KCNB2: variants seen among roughly 807,000 people sequenced by gnomAD.
The protein encoded by KCNB2 is potassium voltage-gated channel subfamily B member 2, also known as delayed rectifier potassium channel protein.
Under a neutral mutation model 61.5 loss-of-function variants are expected in KCNB2, and 15 were observed. The ratio of observed to expected loss-of-function variants is 0.24; its 90% CI spans 0.16 to 0.38. The LOEUF is 0.38. KCNB2 is among the 10% of genes least tolerant of loss of function. The pLI, the probability that KCNB2 is intolerant of heterozygous loss-of-function variation, is 1.00. For missense variants in KCNB2, 828 were observed against 1,125.2 expected, an observed-to-expected ratio of 0.74 and a Z score of 3.78; for synonymous variants, 457 against 446.0, an observed-to-expected ratio of 1.02 and a Z score of -0.31.
At chr8:72,853,558 C>G (rs1282365952) in intron 2 of KCNB2, among the ~76,000 whole-genome samples, 1 of 152,204 alleles carries the variant, frequency 6.6e-6, no homozygotes, top group Non-Finnish European at 1.5e-5. Flanking sequence ...AACCTAATGT[C>G]TAGGCCTCAA....
intron 2 of KCNB2, among the ~76,000 whole-genome samples, chr8:72,759,055 C>G (rs1342521823): frequency 6.6e-6 from 1 of 152,060 alleles, no homozygotes; most frequent in African/African-American, 2.4e-5. Context: ...TGAACTTAGT[C>G]TGAACTAATG....
chr8:72,807,623 T>G (rs2129000233), intron 2 of KCNB2, among the ~76,000 whole-genome samples: 1 of 152,270 alleles, frequency 6.6e-6, no homozygotes. Context: ...ACAGACAGAT[T>G]TGTGTTTGAC....
intron 2 of KCNB2, among the ~76,000 whole-genome samples, chr8:72,906,439 A>G (rs1383386095): frequency 2.0e-5 from 3 of 152,210 alleles, no homozygotes; most frequent in African/African-American, 7.2e-5. Context: ...TATAATTTTG[A>G]AAAAAGTATT....
intron 2 of KCNB2, chr8:72,732,097 A>G (rs1375624287): frequency 2.0e-5 from 3 of 152,240 alleles, no homozygotes; most frequent in East Asian, 1.9e-4. Context: ...AGTGGATTCT[A>G]TCTGGTACAG....
At chr8:72,839,984 A>C (rs1809853911) in intron 2 of KCNB2, among the ~76,000 whole-genome samples, 1 of 151,548 alleles carries the variant, frequency 6.6e-6, no homozygotes, top group South Asian at 2.1e-4. Flanking sequence ...ATAGTTATAC[A>C]CTTGCCATGG....
rs758769452 is a variant in KCNB2 at position 72,567,693 on chromosome 8, A to AT, written c.-36dup. 4 of 1,415,804 alleles carry AT rather than the reference A, an allele frequency of 2.8e-6. No individual in the cohort carries two copies. The highest frequency in any genetic ancestry group is 4.7e-5 in the Admixed American group (2 of 42,976). The allele number at this position is 1,415,804 out of a possible 1,614,324, so 87.7% of individuals were successfully genotyped here. ...GAGGGATATTGCTTCAGTTGACCTCATTTTTTAAGGACCCTGGCTCTGCGG... is the reference window on the plus strand; with the variant it reads ...GAGGGATATTGCTTCAGTTGACCTCATTTTTTTAAGGACCCTGGCTCTGCGG... On this transcript the variant is annotated 5_prime_UTR_variant, in exon 2 of 3. Transcript: ENST00000523207.
chr8:72,647,779 C>T (rs1286490605), intron 2 of KCNB2, among the ~76,000 whole-genome samples: 1 of 152,104 alleles, frequency 6.6e-6, no homozygotes, highest in Admixed American at 6.6e-5. Context: ...GCTGTGCCCC[C>T]TAGCTGTCAA....
intron 2 of KCNB2, among the ~76,000 whole-genome samples, chr8:72,601,323 T>C (rs2128982536): frequency 6.6e-6 from 1 of 152,316 alleles, no homozygotes; most frequent in South Asian, 2.1e-4. Context: ...GTAATTAAGT[T>C]GTTAATGTAC....
At chr8:72,868,142 G>A (rs1031057115) in intron 2 of KCNB2, among the ~76,000 whole-genome samples, 3 of 150,034 alleles carry the variant, frequency 2.0e-5, no homozygotes. Flanking sequence ...TGCAATCATA[G>A]CTCACTGTAG....
chr8:72,835,736 A>T (rs967915444), intron 2 of KCNB2, among the ~76,000 whole-genome samples: 1 of 152,204 alleles, frequency 6.6e-6, no homozygotes. Context: ...AAACTGAGTA[A>T]ATCAGATTGA....
intron 2 of KCNB2, among the ~76,000 whole-genome samples, chr8:72,637,408 C>CT (rs968644852): frequency 3.9e-5 from 6 of 151,900 alleles, no homozygotes; most frequent in Non-Finnish European, 5.9e-5. Context: ...CTGAATAGAT[C>CT]TTTTTTTTGT....
chr8:72,593,177 T>C (rs1807128766), intron 2 of KCNB2, among the ~76,000 whole-genome samples: 1 of 152,126 alleles, frequency 6.6e-6, no homozygotes, highest in Non-Finnish European at 1.5e-5. Context: ...TCATGATTGT[T>C]TGTCTACATC....
rs1193569124 is a variant in KCNB2, at chr8:72,565,856, C to T, written c.-93-1786C>T. ...TTAACTGTTTAATATTTATTAAACT[C>T]CTACACTGTATAAGCACTGTGCTTG... On this transcript the variant is annotated intron_variant, in intron 1 of 2. Transcript: ENST00000523207. Among the ~76,000 whole-genome samples the T allele has an allele frequency of 1.3e-5, 2 of 152,192 alleles. 1 individual carries two copies. The highest frequency in any genetic ancestry group is 1.3e-4 in the Admixed American group (2 of 15,296).
chr8:72,579,131 A>G (rs1353335031), intron 2 of KCNB2, among the ~76,000 whole-genome samples: 1 of 152,294 alleles, frequency 6.6e-6, no homozygotes, highest in Admixed American at 6.5e-5. Context: ...GTTAATCTCT[A>G]CATACCTGCT....
chr8:72,892,168 C>T (rs569157911), intron 2 of KCNB2, among the ~76,000 whole-genome samples: 1 of 152,272 alleles, frequency 6.6e-6, no homozygotes, highest in African/African-American at 2.4e-5. Context: ...ATTTTAAACC[C>T]CTCTCCCACT....
chr8:72,708,576 T>C (rs897567349), intron 2 of KCNB2, among the ~76,000 whole-genome samples: 2 of 152,190 alleles, frequency 1.3e-5, no homozygotes, highest in East Asian at 3.9e-4. Flanking sequence ...CTGCAAGCTT[T>C]TCTGTACCAG....
At chr8:72,652,732 T>C (rs1359806246) in intron 2 of KCNB2, among the ~76,000 whole-genome samples, 1 of 152,098 alleles carries the variant, frequency 6.6e-6, no homozygotes, top group Non-Finnish European at 1.5e-5. Flanking sequence ...TTAGTATGTA[T>C]TTTGACTCTG....
chr8:72,917,957 G>C (rs1317511117), intron 2 of KCNB2, among the ~76,000 whole-genome samples: 2 of 151,910 alleles, frequency 1.3e-5, no homozygotes, highest in African/African-American at 4.8e-5. Context: ...AAGGTGTAGA[G>C]AGAAGGGGAA....
intron 2 of KCNB2, among the ~76,000 whole-genome samples, chr8:72,853,828 G>A (rs1337487160): frequency 5.3e-5 from 8 of 152,190 alleles, no homozygotes; most frequent in Middle Eastern, 3.4e-3. Flanking sequence ...TCTCTGCACC[G>A]TCACGTGACT....
Sources: gnomAD v4.1 joint callset for allele counts (sites outside exome capture counted in the v4.1 genomes callset) on GRCh38, gnomAD v4.1.1 for gene constraint, MANE v1.5 for transcripts, NCBI Gene and HGNC (gene_info 2026-07-23, HGNC 2026-07-21) for gene names.